CCSER1: variants seen among roughly 807,000 people sequenced by gnomAD.
The protein encoded by CCSER1 is serine-rich coiled-coil domain-containing protein 1.
Under a neutral mutation model 82.0 loss-of-function variants are expected in CCSER1, and 41 were observed. The observed-to-expected ratio is 0.50, with a 90% CI of 0.39 to 0.65. CCSER1 has a LOEUF of 0.65. Ranked by LOEUF, CCSER1 falls within the 30% of genes least tolerant of loss-of-function variation. CCSER1 has a pLI of 0.00. For missense variants in CCSER1, 1,119 were observed against 1,064.2 expected, an observed-to-expected ratio of 1.05 and a Z score of -0.72; for synonymous variants, 414 against 383.9, an observed-to-expected ratio of 1.08 and a Z score of -0.92.
intron 4 of CCSER1, among the ~76,000 whole-genome samples, chr4:90,425,212 C>T (rs529636577): frequency 1.6e-4 from 24 of 152,204 alleles, no homozygotes; most frequent in Non-Finnish European, 3.2e-4. Context: ...CATATAAACA[C>T]TTTCATGATT....
At chr4:90,877,307 T>G (rs1336577524) in intron 8 of CCSER1, among the ~76,000 whole-genome samples, 1 of 152,130 alleles carries the variant, frequency 6.6e-6, no homozygotes, top group Admixed American at 6.6e-5. Flanking sequence ...AACTCTCTTG[T>G]GTACCAGTAT....
intron 3 of CCSER1, among the ~76,000 whole-genome samples, chr4:90,345,252 C>T (rs1269132618): frequency 2.0e-5 from 3 of 152,000 alleles, no homozygotes; most frequent in African/African-American, 4.8e-5. Context: ...TGCCATGTTA[C>T]TGACAAAGTA....
chr4:90,673,244 T>C (rs964275968), intron 6 of CCSER1, among the ~76,000 whole-genome samples: 1 of 151,968 alleles, frequency 6.6e-6, no homozygotes, highest in Non-Finnish European at 1.5e-5. Flanking sequence ...TCAACTATTA[T>C]GGAACAGAGA....
intron 4 of CCSER1, among the ~76,000 whole-genome samples, chr4:90,422,756 C>T (rs1180723746): frequency 1.3e-5 from 2 of 152,194 alleles, no homozygotes; most frequent in Non-Finnish European, 2.9e-5. Context: ...CTTTGGGTAA[C>T]ATTACAGAAG....
chr4:90,626,027 G>T (rs916750473), intron 5 of CCSER1, among the ~76,000 whole-genome samples: 1 of 151,990 alleles, frequency 6.6e-6, no homozygotes, highest in African/African-American at 2.4e-5. Context: ...ATTTTAAAGA[G>T]CCAGCACGCT....
At chr4:91,266,227 C>A (rs963787086) in intron 10 of CCSER1, among the ~76,000 whole-genome samples, 2 of 151,594 alleles carry the variant, frequency 1.3e-5, no homozygotes, top group Non-Finnish European at 2.9e-5. Context: ...TTAACTTAAG[C>A]TGGTTGTTTT....
At chr4:90,835,587 CT>C (rs1398357344) in intron 8 of CCSER1, among the ~76,000 whole-genome samples, 2 of 152,090 alleles carry the variant, frequency 1.3e-5, no homozygotes, top group Non-Finnish European at 2.9e-5. Context: ...GATTTGCCCC[CT>C]GAGCATATTT....
intron 9 of CCSER1, among the ~76,000 whole-genome samples, chr4:91,029,082 A>T (rs188031424): frequency 2.3e-3 from 345 of 152,148 alleles, no homozygotes; most frequent in African/African-American, 6.9e-3. Flanking sequence ...AATTCAAAAC[A>T]AGCTCAGGAA....
intron 6 of CCSER1, among the ~76,000 whole-genome samples, chr4:90,691,183 A>G (rs1039968575): frequency 2.6e-5 from 4 of 152,074 alleles, no homozygotes; most frequent in African/African-American, 9.7e-5. Flanking sequence ...AGGTAGAAAC[A>G]CAACTCTTTT....
chr4:91,063,077 A>T (rs1744092510), intron 9 of CCSER1, among the ~76,000 whole-genome samples: 1 of 152,120 alleles, frequency 6.6e-6, no homozygotes, highest in African/African-American at 2.4e-5. Context: ...CAGATACCTA[A>T]CTATGTCATG....
chr4:90,595,714 C>T (rs941424779), intron 5 of CCSER1, among the ~76,000 whole-genome samples: 10 of 151,952 alleles, frequency 6.6e-5, no homozygotes, highest in South Asian at 4.1e-4. Context: ...GTATCAATAA[C>T]GCCCTTGAAA....
Position 91,553,829 on chromosome 4 carries a change from C to T in CCSER1, c.2218-44743C>T, listed in dbSNP as rs563484107. ...TCCACTCTTTTTTCTTTTAGTCTAG[C>T]TAAAGGTTTATCAATTTTTTAAAAA... On this transcript the variant is annotated intron_variant, in intron 10 of 10. Transcript: ENST00000509176. 5.3e-5 allele frequency among the ~76,000 whole-genome samples: 8 copies of T among 150,108 alleles called. No homozygotes were observed. The South Asian group carries it at 1.0e-3, about 20-fold the overall frequency.
At chr4:90,641,715 C>T (rs540600149) in intron 6 of CCSER1, among the ~76,000 whole-genome samples, 45 of 152,196 alleles carry the variant, frequency 3.0e-4, no homozygotes, top group Middle Eastern at 3.4e-3. Context: ...CAAATGTATA[C>T]CCATATGCCA....
At chr4:91,165,175 T>C (rs1038646992) in intron 10 of CCSER1, among the ~76,000 whole-genome samples, 2 of 152,182 alleles carry the variant, frequency 1.3e-5, no homozygotes, top group African/African-American at 4.8e-5. Flanking sequence ...TAGTTTTCCT[T>C]CTAAGAGTCA....
Position 90,322,289 on chromosome 4 carries a change from A to T in CCSER1, c.1509+9242A>T, listed in dbSNP as rs541535601. On this transcript the variant is annotated intron_variant, in intron 3 of 10. Coordinates refer to ENST00000509176, the MANE Select transcript of CCSER1 (RefSeq NM_001145065.2). ...CTTTTGTTGAAAATGAATTCACTGT[A>T]TATGTGTGGATTTATTTCTGAGATC... Among the ~76,000 whole-genome samples, 7 of 152,152 alleles carry T rather than the reference A, an allele frequency of 4.6e-5. No homozygotes were observed. In the East Asian group the frequency reaches 7.7e-4, roughly 17 times the overall value.
chr4:90,556,041 A>C (rs995792799), intron 5 of CCSER1, among the ~76,000 whole-genome samples: 5 of 152,090 alleles, frequency 3.3e-5, no homozygotes, highest in African/African-American at 1.2e-4. Flanking sequence ...AAACAACAAA[A>C]ATCTCCATCT....
intron 1 of CCSER1, among the ~76,000 whole-genome samples, chr4:90,273,103 C>T (rs1399255050): frequency 6.6e-6 from 1 of 151,972 alleles, no homozygotes; most frequent in Non-Finnish European, 1.5e-5. Flanking sequence ...GTGAAATTAG[C>T]CAGGCACAGA....
At chr4:90,158,562 C>G (rs951251850) in intron 1 of CCSER1, among the ~76,000 whole-genome samples, 1 of 152,192 alleles carries the variant, frequency 6.6e-6, no homozygotes, top group African/African-American at 2.4e-5. Context: ...CTTTGTTTAC[C>G]TAAGCAAGCC....
At chr4:90,297,507 C>A (rs1456053161) in intron 1 of CCSER1, among the ~76,000 whole-genome samples, 1 of 150,588 alleles carries the variant, frequency 6.6e-6, no homozygotes, top group Non-Finnish European at 1.5e-5. Context: ...CCTGATTGCC[C>A]TGGCCAGAAC....
Sources: allele counts gnomAD v4.1 joint callset (sites outside exome capture counted in the v4.1 genomes callset), GRCh38; gene constraint gnomAD v4.1.1; transcripts MANE v1.5; gene names NCBI Gene and HGNC (gene_info 2026-07-23, HGNC 2026-07-21).